Variants in MIR2052HG observed in about 807,000 individuals in gnomAD.
The protein encoded by MIR2052HG is MIR2052 host gene.
At chr8:74,730,360 G>T (rs1445580098) in intron 4 of MIR2052HG, among the ~76,000 whole-genome samples, 2 of 152,076 alleles carry the variant, frequency 1.3e-5, no homozygotes, top group Admixed American at 1.3e-4. Context: ...TTACAAACCA[G>T]GTTTTCTCAT....
At chr8:74,756,903 A>G (rs985813209) in intron 5 of MIR2052HG, 4 of 152,240 alleles carry the variant, frequency 2.6e-5, no homozygotes, top group Non-Finnish European at 5.9e-5. Flanking sequence ...AGTGAACCTG[A>G]ATAAAGCAGT....
chr8:74,722,202 A>G (rs887446839), intron 4 of MIR2052HG, among the ~76,000 whole-genome samples: 5 of 152,152 alleles, frequency 3.3e-5, no homozygotes, highest in African/African-American at 1.2e-4. Context: ...CAAAAAAATC[A>G]AGGCTCTATG....
At chr8:74,743,459 G>A (rs1431766085) in intron 4 of MIR2052HG, among the ~76,000 whole-genome samples, 1 of 152,166 alleles carries the variant, frequency 6.6e-6, no homozygotes, top group Non-Finnish European at 1.5e-5. Context: ...ATATGACCTA[G>A]TTACTGGAGA....
intron 4 of MIR2052HG, among the ~76,000 whole-genome samples, chr8:74,709,489 T>C (rs1398067312): frequency 6.6e-6 from 1 of 152,064 alleles, no homozygotes; most frequent in Non-Finnish European, 1.5e-5. Flanking sequence ...CATAAGTTTT[T>C]GAAAAAGAGG....
intron 4 of MIR2052HG, among the ~76,000 whole-genome samples, chr8:74,729,282 G>A (rs1441212588): frequency 6.6e-6 from 1 of 152,010 alleles, no homozygotes; most frequent in Non-Finnish European, 1.5e-5. Context: ...AAGTTAGACA[G>A]GAAAGGCTGA....
intron 2 of MIR2052HG, among the ~76,000 whole-genome samples, chr8:74,692,180 T>G (rs1168353530): frequency 6.6e-6 from 1 of 152,188 alleles, no homozygotes; most frequent in Non-Finnish European, 1.5e-5. Flanking sequence ...AACCTCTGCT[T>G]TCTGGGTTCA....
At chr8:74,665,573 G>C (rs948612382) in intron 2 of MIR2052HG, among the ~76,000 whole-genome samples, 7 of 152,114 alleles carry the variant, frequency 4.6e-5, no homozygotes, top group Non-Finnish European at 7.3e-5. Context: ...AGGCTTTGCT[G>C]TCATTAATCA....
intron 2 of MIR2052HG, among the ~76,000 whole-genome samples, chr8:74,645,579 C>G (rs556242920): frequency 1.4e-4 from 21 of 152,168 alleles, no homozygotes; most frequent in Non-Finnish European, 2.8e-4. Context: ...GCCACTGCGC[C>G]CGGCCTAGAA....
At chr8:74,675,951 C>T (rs1248456281) in intron 2 of MIR2052HG, among the ~76,000 whole-genome samples, 4 of 151,948 alleles carry the variant, frequency 2.6e-5, no homozygotes, top group African/African-American at 9.7e-5. Context: ...AAGAGATCAT[C>T]ATATCCTTGA....
intron 1 of MIR2052HG, among the ~76,000 whole-genome samples, chr8:74,601,161 T>C (rs1807994647): frequency 6.6e-6 from 1 of 152,220 alleles, no homozygotes; most frequent in East Asian, 1.9e-4. Flanking sequence ...CTTAATTATT[T>C]GTATTTATAT....
intron 2 of MIR2052HG, among the ~76,000 whole-genome samples, chr8:74,620,731 A>G (rs1582725): frequency 0.73 from 110,847 of 152,134 alleles, 41,135 homozygotes; most frequent in African/African-American, 0.89. Flanking sequence ...CATTTTTCCC[A>G]CCTAGGCCTC....
At chr8:74,656,249 G>C (rs1808805060) in intron 2 of MIR2052HG, among the ~76,000 whole-genome samples, 1 of 152,078 alleles carries the variant, frequency 6.6e-6, no homozygotes, top group African/African-American at 2.4e-5. Context: ...AAGACTTTGG[G>C]GGACTGTTGG....
intron 2 of MIR2052HG, among the ~76,000 whole-genome samples, chr8:74,670,026 A>T (rs1808973698): frequency 6.6e-6 from 1 of 152,180 alleles, no homozygotes; most frequent in Admixed American, 6.6e-5. Context: ...TAAGAGAGAG[A>T]GATGTCTTTC....
At chr8:74,726,829 G>A (rs1809642051) in intron 4 of MIR2052HG, among the ~76,000 whole-genome samples, 2 of 152,206 alleles carry the variant, frequency 1.3e-5, no homozygotes, top group African/African-American at 4.8e-5. Context: ...CAGGCACAGA[G>A]ATCTGCCCTA....
At chr8:74,629,975 T>C (rs1328339060) in intron 2 of MIR2052HG, among the ~76,000 whole-genome samples, 3 of 152,140 alleles carry the variant, frequency 2.0e-5, no homozygotes, top group African/African-American at 7.2e-5. Context: ...GTTTGTTGAA[T>C]GGATAAATAT....
intron 2 of MIR2052HG, among the ~76,000 whole-genome samples, chr8:74,641,216 C>T (rs1808636219): frequency 6.6e-6 from 1 of 152,118 alleles, no homozygotes; most frequent in South Asian, 2.1e-4. Flanking sequence ...TTCCAAATGC[C>T]AATTTCTTAG....
chr8:74,604,878 G>A (rs554641962), intron 1 of MIR2052HG, among the ~76,000 whole-genome samples: 2 of 152,240 alleles, frequency 1.3e-5, no homozygotes, highest in South Asian at 2.1e-4. Flanking sequence ...ACAGGCGTGA[G>A]CCACCGCACC....
chr8:74,754,603 T>C (rs1809980548), intron 5 of MIR2052HG, among the ~76,000 whole-genome samples: 1 of 152,208 alleles, frequency 6.6e-6, no homozygotes, highest in Admixed American at 6.5e-5. Context: ...TGAAGAGATC[T>C]ACGGCTGTGA....
At chr8:74,711,984 C>G (rs1809472821) in intron 4 of MIR2052HG, among the ~76,000 whole-genome samples, 1 of 152,066 alleles carries the variant, frequency 6.6e-6, no homozygotes, top group South Asian at 2.1e-4. Flanking sequence ...CCATGCCTCA[C>G]CGTTTGCCAT....
Sources: allele counts gnomAD v4.1 joint callset (sites outside exome capture counted in the v4.1 genomes callset), GRCh38; gene constraint gnomAD v4.1.1; transcripts MANE v1.5; gene names NCBI Gene and HGNC (gene_info 2026-07-23, HGNC 2026-07-21).